RTN1: variants seen among roughly 807,000 people sequenced by gnomAD.
RTN1 encodes the protein reticulon-1.
A neutral mutation model predicts 65.5 loss-of-function variants in RTN1; 25 were observed. The observed-to-expected ratio is 0.38, with a 90% CI of 0.28 to 0.53. The LOEUF (loss-of-function observed/expected upper bound fraction) is 0.53. RTN1 is among the 20% of genes least tolerant of loss of function. RTN1 has a pLI of 0.79. For missense variants in RTN1, 983 were observed against 1,025.4 expected, an observed-to-expected ratio of 0.96 and a Z score of 0.57; for synonymous variants, 471 against 447.6, an observed-to-expected ratio of 1.05 and a Z score of -0.66.
chr14:59,628,094 G>A (rs1882448667), intron 3 of RTN1, among the ~76,000 whole-genome samples: 1 of 152,030 alleles, frequency 6.6e-6, no homozygotes, highest in Non-Finnish European at 1.5e-5. Context: ...CAACACTTTG[G>A]GAGGCTGAGG....
chr14:59,599,197 A>G (rs1881500039), intron 8 of RTN1, among the ~76,000 whole-genome samples: 1 of 152,148 alleles, frequency 6.6e-6, no homozygotes, highest in Non-Finnish European at 1.5e-5. Flanking sequence ...ACCCTCTCTC[A>G]TCTATCCCTC....
intron 1 of RTN1, among the ~76,000 whole-genome samples, chr14:59,768,895 T>A (rs1038345001): frequency 2.0e-5 from 3 of 152,102 alleles, no homozygotes; most frequent in African/African-American, 7.2e-5. Flanking sequence ...TTGAGGAAAT[T>A]GAGAATTAGA....
chr14:59,692,744 C>T (rs1294779815), intron 3 of RTN1, among the ~76,000 whole-genome samples: 1 of 152,040 alleles, frequency 6.6e-6, no homozygotes. Flanking sequence ...ATAAAGAACC[C>T]AGAAATAAAA....
chr14:59,755,911 C>A (rs978479184), intron 1 of RTN1, among the ~76,000 whole-genome samples: 2 of 152,200 alleles, frequency 1.3e-5, no homozygotes, highest in Non-Finnish European at 2.9e-5. Flanking sequence ...CTTTCCCCAA[C>A]TCACTGCCTT....
At chr14:59,635,644 G>A (rs774201003) in intron 3 of RTN1, among the ~76,000 whole-genome samples, 10 of 151,778 alleles carry the variant, frequency 6.6e-5, no homozygotes, top group Non-Finnish European at 1.0e-4. Context: ...ATTTGTCAGC[G>A]GAAAAGAAAA....
chr14:59,620,073 A>G (rs1882213688), intron 3 of RTN1, among the ~76,000 whole-genome samples: 1 of 152,106 alleles, frequency 6.6e-6, no homozygotes, highest in African/African-American at 2.4e-5. Flanking sequence ...TTTGGAAAAC[A>G]GACTTGATGA....
In RTN1 at chr14:59,823,748, C is replaced by T. The variant is rs186119720; in HGVS notation, c.241+46642G>A. On this transcript the variant is annotated intron_variant, in intron 1 of 8. Transcript: ENST00000267484. ...TTTGGAAAATCTGATGACTGTGTGT[C>T]TTGGGGATGGTTGTCTTATATAATA... Among the ~76,000 whole-genome samples the T allele has an allele frequency of 5.9e-5, 9 of 152,210 alleles. No individual in the cohort carries two copies. The East Asian group carries it at 1.5e-3, about 26-fold the overall frequency.
At chr14:59,677,345 CT>C (rs1883648438) in intron 3 of RTN1, among the ~76,000 whole-genome samples, 1 of 152,174 alleles carries the variant, frequency 6.6e-6, no homozygotes, top group South Asian at 2.1e-4. Flanking sequence ...TTCAAGACAT[CT>C]TTTTCCAGGG....
chr14:59,641,897 C>A (rs781336738), intron 3 of RTN1, among the ~76,000 whole-genome samples: 5 of 152,096 alleles, frequency 3.3e-5, no homozygotes, highest in African/African-American at 7.2e-5. Flanking sequence ...AATTAATAAT[C>A]TTTCACATTT....
intron 1 of RTN1, among the ~76,000 whole-genome samples, chr14:59,784,662 TC>T (rs1359984799): frequency 6.6e-6 from 1 of 152,228 alleles, no homozygotes; most frequent in Admixed American, 6.5e-5. Flanking sequence ...CAGCAGTATT[TC>T]TTTTTCAGAC....
intron 2 of RTN1, among the ~76,000 whole-genome samples, chr14:59,739,866 T>C (rs1885082344): frequency 6.6e-6 from 1 of 152,162 alleles, no homozygotes; most frequent in Non-Finnish European, 1.5e-5. Context: ...GCACACATCC[T>C]TCCGGTTTCA....
intron 2 of RTN1, among the ~76,000 whole-genome samples, chr14:59,742,115 G>A (rs1012540288): frequency 6.6e-6 from 1 of 152,134 alleles, no homozygotes; most frequent in Non-Finnish European, 1.5e-5. Context: ...TTGAACAAAA[G>A]AATGAATTTT....
At chr14:59,787,951 C>T (rs2139583950) in intron 1 of RTN1, among the ~76,000 whole-genome samples, 1 of 152,206 alleles carries the variant, frequency 6.6e-6, no homozygotes, top group South Asian at 2.1e-4. Flanking sequence ...ATTTAAACTC[C>T]TTACACTTTA....
chr14:59,671,815 T>C (rs1883510674), intron 3 of RTN1, among the ~76,000 whole-genome samples: 1 of 152,224 alleles, frequency 6.6e-6, no homozygotes, highest in South Asian at 2.1e-4. Flanking sequence ...ATGTCCACTC[T>C]ACAGAGCTGG....
At chr14:59,654,467 A>G (rs576474373) in intron 3 of RTN1, among the ~76,000 whole-genome samples, 21 of 151,200 alleles carry the variant, frequency 1.4e-4, no homozygotes, top group Admixed American at 5.9e-4. Flanking sequence ...AAAATATCCC[A>G]TCTCACTCTG....
intron 3 of RTN1, among the ~76,000 whole-genome samples, chr14:59,718,266 A>G (rs1323249682): frequency 1.3e-5 from 2 of 152,202 alleles, no homozygotes; most frequent in African/African-American, 4.8e-5. Context: ...AATAGAGACC[A>G]TGGCCGACTG....
rs573062998 is a variant in RTN1 at position 59,699,560 on chromosome 14, C to T, written c.1765+27359G>A. 2.0e-5 allele frequency among the ~76,000 whole-genome samples: 3 copies of T among 152,200 alleles called. No homozygotes were observed. In the South Asian group the frequency reaches 6.2e-4, roughly 32 times the overall value. Reference sequence around the variant, plus strand: ...TTTAGTGTGGAGGATGGGGAAGTAGCAATATTTAGAATGTAGCTCTTGGCC... The same window carrying T: ...TTTAGTGTGGAGGATGGGGAAGTAGTAATATTTAGAATGTAGCTCTTGGCC... On this transcript the variant is annotated intron_variant, in intron 3 of 8. Coordinates refer to ENST00000267484, the MANE Select transcript of RTN1 (RefSeq NM_021136.3).
intron 1 of RTN1, among the ~76,000 whole-genome samples, chr14:59,834,600 T>C (rs140962083): frequency 9.2e-5 from 14 of 152,228 alleles, no homozygotes; most frequent in Non-Finnish European, 1.9e-4. Context: ...AGAAGATATA[T>C]GGCATTTGTA....
At chr14:59,644,513 G>A (rs1005276727) in intron 3 of RTN1, among the ~76,000 whole-genome samples, 3 of 152,130 alleles carry the variant, frequency 2.0e-5, no homozygotes, top group Non-Finnish European at 2.9e-5. Context: ...GTGGAGCCCC[G>A]GGAGCTTTAG....
Sources: allele counts gnomAD v4.1 joint callset (sites outside exome capture counted in the v4.1 genomes callset), GRCh38; gene constraint gnomAD v4.1.1; transcripts MANE v1.5; gene names NCBI Gene and HGNC (gene_info 2026-07-23, HGNC 2026-07-21).